Variants in DPYS observed in about 807,000 individuals in gnomAD.
The protein encoded by DPYS is dihydropyrimidinase, also known as dihydropyrimidine amidohydrolase.
A neutral mutation model predicts 50.3 loss-of-function variants in DPYS; 39 were observed. The ratio of observed to expected loss-of-function variants is 0.78; its 90% confidence interval spans 0.60 to 1.01. The LOEUF is 1.01. Among genes scored for constraint, DPYS ranks in the 50% least tolerant of loss-of-function variants. The probability of loss-of-function intolerance (pLI) is 0.00; values close to 1 mark genes in which losing one functional copy is unlikely to be tolerated. For synonymous variants in DPYS, 245 were observed against 250.7 expected (o/e 0.98, Z 0.22); for missense variants, 659 against 680.9 (o/e 0.97, Z 0.36).
At chr8:104,398,964 T>C (rs1203252870) in intron 7 of DPYS, among the ~76,000 whole-genome samples, 1 of 152,134 alleles carries the variant, frequency 6.6e-6, no homozygotes, top group African/African-American at 2.4e-5. Flanking sequence ...GAGCAGGCCA[T>C]GCTTTGAAGG....
intron 2 of DPYS, among the ~76,000 whole-genome samples, 180 bp downstream of exon 2, chr8:104,451,066 A>C (rs1813719377): frequency 6.6e-6 from 1 of 152,228 alleles, no homozygotes; most frequent in African/African-American, 2.4e-5. Context: ...AGTTTTTAAA[A>C]TTGGTAATAC....
chr8:104,413,479 A>G (rs913366555), intron 7 of DPYS, among the ~76,000 whole-genome samples: 1 of 152,106 alleles, frequency 6.6e-6, no homozygotes, highest in Non-Finnish European at 1.5e-5. Context: ...CACAAGTGTT[A>G]GCTATAGTAC....
At chr8:104,447,794 T>C (rs1310744137) in intron 2 of DPYS, among the ~76,000 whole-genome samples, 2 of 152,162 alleles carry the variant, frequency 1.3e-5, no homozygotes, top group Non-Finnish European at 2.9e-5. Context: ...TGCATCTATC[T>C]CCCGATTTGA....
At chr8:104,419,990 T>C (rs1812491512) in intron 7 of DPYS, 1 of 152,240 alleles carries the variant, frequency 6.6e-6, no homozygotes, top group Non-Finnish European at 1.5e-5. Flanking sequence ...TCTTGTACTA[T>C]CTTTGTAACT....
chr8:104,440,368 G>A (rs898692060), intron 4 of DPYS, among the ~76,000 whole-genome samples: 7 of 152,234 alleles, frequency 4.6e-5, no homozygotes, highest in South Asian at 2.1e-4. Flanking sequence ...AGTTATAAAT[G>A]CACTTTCTGA....
chr8:104,382,016 C>T (rs528826355), intron 8 of DPYS, among the ~76,000 whole-genome samples: 13 of 152,294 alleles, frequency 8.5e-5, no homozygotes, highest in Non-Finnish European at 1.8e-4. Context: ...CCATTTACTA[C>T]GCATAGGAAA....
intron 1 of DPYS, among the ~76,000 whole-genome samples, chr8:104,462,244 T>A (rs567468487): frequency 6.6e-6 from 1 of 152,074 alleles, no homozygotes; most frequent in Non-Finnish European, 1.5e-5. Context: ...TTGCCTAAGG[T>A]CACAAAATCA....
chr8:104,461,433 C>T (rs1216312096), intron 1 of DPYS, among the ~76,000 whole-genome samples: 1 of 152,046 alleles, frequency 6.6e-6, no homozygotes, highest in Non-Finnish European at 1.5e-5. Context: ...GTATTAAACT[C>T]CTTTAAGATG....
chr8:104,381,420 A>G (rs1811033517), intron 8 of DPYS, 106 bp from the exon 9 acceptor site: 2 of 1,065,856 alleles, frequency 1.9e-6, no homozygotes, highest in Non-Finnish European at 2.9e-6. Context: ...AGAATCTTAT[A>G]AATTTATCAC....
intron 6 of DPYS, among the ~76,000 whole-genome samples, chr8:104,425,665 A>G (rs1203350716): frequency 6.6e-6 from 1 of 152,110 alleles, no homozygotes; most frequent in Non-Finnish European, 1.5e-5. Context: ...AAGAGGTTCA[A>G]TTTTATGCAA....
intron 7 of DPYS, among the ~76,000 whole-genome samples, chr8:104,402,313 G>T: frequency 6.6e-6 from 1 of 152,130 alleles, no homozygotes; most frequent in East Asian, 1.9e-4. Flanking sequence ...TGTTCTATAC[G>T]GTAGTTTTTA....
At chr8:104,386,837 A>G (rs545390439) in intron 8 of DPYS, among the ~76,000 whole-genome samples, 29 of 152,218 alleles carry the variant, frequency 1.9e-4, no homozygotes, top group Middle Eastern at 3.4e-3. Flanking sequence ...CATGTTGGCC[A>G]GGCTAGTCTT....
In DPYS at chr8:104,427,967, C is replaced by T. The variant is rs1029571639; in HGVS notation, c.1092+13G>A. ...GAACTAGGCAAAGCAAGGCTGGAAC[C>T]TGTGAAACCCACCACGCCTTTTTCC... On this transcript the variant is annotated intron_variant, in intron 6 of 9. Transcript: ENST00000351513. 1 of 1,613,822 alleles carries T rather than the reference C, an allele frequency of 6.2e-7. No homozygotes were observed. Among genetic ancestry groups the T allele is most frequent in the Non-Finnish European group, 8.5e-7 (1 of 1,179,988 alleles).
intron 7 of DPYS, among the ~76,000 whole-genome samples, chr8:104,412,573 G>A (rs1477504806): frequency 6.6e-6 from 1 of 152,110 alleles, no homozygotes; most frequent in Non-Finnish European, 1.5e-5. Context: ...GGGGTCTGGA[G>A]CTTTGTTGTC....
intron 7 of DPYS, chr8:104,420,962 T>C (rs2140608561): frequency 6.6e-6 from 1 of 152,358 alleles, no homozygotes; most frequent in South Asian, 2.1e-4. Flanking sequence ...CATTTTCACA[T>C]GTATCTCATG....
chr8:104,464,919 G>C (rs1814306144), intron 1 of DPYS, among the ~76,000 whole-genome samples: 1 of 152,118 alleles, frequency 6.6e-6, no homozygotes, highest in Non-Finnish European at 1.5e-5. Context: ...AGGGAAAAAT[G>C]AATAAACAAA....
intron 7 of DPYS, among the ~76,000 whole-genome samples, chr8:104,416,733 TACACAATGTGCA>T (rs1812383003): frequency 6.6e-6 from 1 of 152,092 alleles, no homozygotes; most frequent in South Asian, 2.1e-4. Flanking sequence ...AGTCAGAGGA[TACACAATGTGCA>T]ACTTCAAGGG....
intron 7 of DPYS, among the ~76,000 whole-genome samples, chr8:104,394,676 CATGTCACTTTCCTGCTTG>C (rs934955835): frequency 3.3e-5 from 5 of 151,654 alleles, no homozygotes; most frequent in Non-Finnish European, 7.4e-5. Flanking sequence ...AAGATCAGAT[CATGTCACTTTCCTGCTTG>C]AAACCCTCAG....
At chr8:104,387,146 G>A (rs181953191) in intron 8 of DPYS, among the ~76,000 whole-genome samples, 268 of 152,258 alleles carry the variant, frequency 1.8e-3, no homozygotes, top group African/African-American at 6.3e-3. Flanking sequence ...AATGTAGAGG[G>A]CACTCAGCAC....
Sources: gnomAD v4.1 joint callset for allele counts (sites outside exome capture counted in the v4.1 genomes callset) on GRCh38, gnomAD v4.1.1 for gene constraint, MANE v1.5 for transcripts, NCBI Gene and HGNC (gene_info 2026-07-23, HGNC 2026-07-21) for gene names.